SUPT3H: variants seen among roughly 807,000 people sequenced by gnomAD.
SUPT3H encodes the protein transcription initiation protein SPT3 homolog.
A neutral mutation model predicts 44.3 loss-of-function variants in SUPT3H; 44 were observed. The ratio of observed to expected loss-of-function variants is 0.99; its 90% confidence interval spans 0.78 to 1.28. The LOEUF is 1.28. SUPT3H is among the 50% of genes most tolerant of loss of function. The probability of loss-of-function intolerance (pLI) is 0.00; values close to 1 mark genes in which losing one functional copy is unlikely to be tolerated. For missense variants in SUPT3H, 380 were observed against 387.1 expected (o/e 0.98, Z 0.15); for synonymous variants, 124 against 125.6 (o/e 0.99, Z 0.09).
intron 3 of SUPT3H, among the ~76,000 whole-genome samples, chr6:45,075,235 CT>C (rs1794859238): frequency 6.6e-6 from 1 of 152,142 alleles, no homozygotes; most frequent in Middle Eastern, 3.4e-3. Context: ...CACTTATGTG[CT>C]TGTACATTTT....
At chr6:44,836,410 A>T (rs1386288186) in intron 10 of SUPT3H, among the ~76,000 whole-genome samples, 1 of 152,142 alleles carries the variant, frequency 6.6e-6, no homozygotes, top group Non-Finnish European at 1.5e-5. Flanking sequence ...CAGTGGAGGG[A>T]GCCCTGCCCT....
intron 2 of SUPT3H, among the ~76,000 whole-genome samples, chr6:45,359,272 G>GA (rs1793815284): frequency 6.6e-6 from 1 of 151,986 alleles, no homozygotes; most frequent in Admixed American, 6.6e-5. Flanking sequence ...TTTCTGAAAG[G>GA]AAAAAAGACT....
At chr6:45,361,509 T>C (rs1315831525) in intron 2 of SUPT3H, 1 of 152,188 alleles carries the variant, frequency 6.6e-6, no homozygotes, top group Non-Finnish European at 1.5e-5. Context: ...TTAATTAAAA[T>C]TCTTAAGAAG....
chr6:45,005,466 G>A (rs759050190), intron 5 of SUPT3H, among the ~76,000 whole-genome samples: 8 of 151,936 alleles, frequency 5.3e-5, no homozygotes, highest in Non-Finnish European at 1.0e-4. Context: ...TTTGCCAGGC[G>A]TGGTGGCTCA....
intron 2 of SUPT3H, among the ~76,000 whole-genome samples, chr6:45,218,219 G>A (rs1562717051): frequency 6.6e-6 from 1 of 152,030 alleles, no homozygotes; most frequent in Non-Finnish European, 1.5e-5. Context: ...TATCAGATAA[G>A]GTGAATTTCA....
intron 2 of SUPT3H, among the ~76,000 whole-genome samples, chr6:45,230,660 G>GCC (rs765270979): frequency 0.019 from 979 of 51,210 alleles, 126 homozygotes; most frequent in Non-Finnish European, 0.033. Context: ...AATTCATTCA[G>GCC]TCTATATATA....
intron 2 of SUPT3H, among the ~76,000 whole-genome samples, chr6:45,233,678 G>A (rs1018920485): frequency 2.0e-5 from 3 of 152,114 alleles, no homozygotes; most frequent in African/African-American, 7.2e-5. Flanking sequence ...TTGGATTCTG[G>A]TGTTCTCTCC....
chr6:44,949,582 C>T (rs1773948703), intron 9 of SUPT3H, among the ~76,000 whole-genome samples: 1 of 146,502 alleles, frequency 6.8e-6, no homozygotes, highest in Non-Finnish European at 1.5e-5. Flanking sequence ...GAACTACAAA[C>T]TGGTAATAAA....
intron 6 of SUPT3H, 104 bp from the exon 7 acceptor site, chr6:44,961,932 C>T: frequency 1.1e-5 from 9 of 793,202 alleles, no homozygotes; most frequent in Non-Finnish European, 1.6e-5. Context: ...TTCCTTATTC[C>T]AGGTGAACAG....
At chr6:44,939,786 G>A (rs1427752253) in intron 9 of SUPT3H, among the ~76,000 whole-genome samples, 1 of 152,036 alleles carries the variant, frequency 6.6e-6, no homozygotes, top group Admixed American at 6.6e-5. Context: ...ATATTGGGAG[G>A]TTGTATGTTT....
At chr6:45,077,756 A>C (rs1016880693) in intron 3 of SUPT3H, among the ~76,000 whole-genome samples, 8 of 152,062 alleles carry the variant, frequency 5.3e-5, no homozygotes, top group Non-Finnish European at 7.4e-5. Context: ...CTCAATAAAC[A>C]CAAAAGTAAA....
intron 3 of SUPT3H, among the ~76,000 whole-genome samples, chr6:45,062,655 C>CAA (rs1792342438): frequency 6.6e-6 from 1 of 151,876 alleles, no homozygotes; most frequent in East Asian, 1.9e-4. Context: ...CTGGGAAGCG[C>CAA]GAGGGGTCAG....
At chr6:45,154,813 T>TAA (rs1807552108) in intron 2 of SUPT3H, among the ~76,000 whole-genome samples, 1 of 152,220 alleles carries the variant, frequency 6.6e-6, no homozygotes, top group Non-Finnish European at 1.5e-5. Context: ...CCCTGTGTTA[T>TAA]ACCTGTTAAA....
At chr6:45,013,632 A>G (rs1783812706) in intron 5 of SUPT3H, among the ~76,000 whole-genome samples, 1 of 152,034 alleles carries the variant, frequency 6.6e-6, no homozygotes, top group South Asian at 2.1e-4. Context: ...TCAGACTACC[A>G]TGTCTGAGGT....
At chr6:45,281,540 G>C (rs925608545) in intron 2 of SUPT3H, among the ~76,000 whole-genome samples, 4 of 152,144 alleles carry the variant, frequency 2.6e-5, no homozygotes, top group African/African-American at 7.2e-5. Context: ...AGCGAGGTTG[G>C]GGGAGGGGCG....
chr6:44,902,781 C>G (rs530839119), intron 10 of SUPT3H, among the ~76,000 whole-genome samples: 1 of 151,980 alleles, frequency 6.6e-6, no homozygotes, highest in Non-Finnish European at 1.5e-5. Flanking sequence ...TAGTTGGAAG[C>G]AAAACACTCC....
intron 2 of SUPT3H, among the ~76,000 whole-genome samples, chr6:45,250,076 T>C (rs1227743815): frequency 6.6e-6 from 1 of 152,180 alleles, no homozygotes; most frequent in Non-Finnish European, 1.5e-5. Flanking sequence ...CTCTACCTGG[T>C]CATCCTACAA....
intron 5 of SUPT3H, among the ~76,000 whole-genome samples, chr6:45,009,793 C>A (rs1221391433): frequency 2.6e-5 from 4 of 152,064 alleles, no homozygotes; most frequent in Admixed American, 6.6e-5. Context: ...TATTCTAGTT[C>A]CCTCACGACC....
chr6:45,339,660 T>C (rs1789350168), intron 2 of SUPT3H, among the ~76,000 whole-genome samples: 2 of 152,150 alleles, frequency 1.3e-5, no homozygotes, highest in Admixed American at 6.5e-5. Context: ...AACATTAATA[T>C]TCTTATTTTT....
Sources: allele counts gnomAD v4.1 joint callset (sites outside exome capture counted in the v4.1 genomes callset), GRCh38; gene constraint gnomAD v4.1.1; transcripts MANE v1.5; gene names NCBI Gene and HGNC (gene_info 2026-07-23, HGNC 2026-07-21).